The following BCAS3 variants were observed in gnomAD, a reference collection of about 807,000 sequenced individuals.
BCAS3 encodes BCAS4/BCAS3 fusion.
BCAS3 carries 53 observed loss-of-function variants against 116.1 expected under a neutral mutation model. The observed-to-expected ratio is 0.46, with a 90% confidence interval of 0.37 to 0.57. BCAS3 has a LOEUF of 0.57. Among genes scored for constraint, BCAS3 ranks in the 20% least tolerant of loss-of-function variants. BCAS3 has a pLI of 0.00. For missense variants in BCAS3, 917 were observed against 1,165.4 expected (o/e 0.79, Z 3.10); for synonymous variants, 391 against 408.2 (o/e 0.96, Z 0.51).
At chr17:60,743,648 T>C (rs1427118119) in intron 5 of BCAS3, among the ~76,000 whole-genome samples, 2 of 152,222 alleles carry the variant, frequency 1.3e-5, no homozygotes, top group Non-Finnish European at 2.9e-5. Flanking sequence ...TTTTGGTATT[T>C]GAATTTTCTA....
chr17:61,010,418 C>A (rs533529097), intron 15 of BCAS3, among the ~76,000 whole-genome samples: 24 of 151,548 alleles, frequency 1.6e-4, no homozygotes, highest in Non-Finnish European at 2.8e-4. Context: ...CCAAAGTACA[C>A]GTACCTGTAG....
At chr17:61,374,605 G>A (rs2059243324) in intron 23 of BCAS3, among the ~76,000 whole-genome samples, 1 of 152,204 alleles carries the variant, frequency 6.6e-6, no homozygotes, top group Admixed American at 6.5e-5. Context: ...GATAGGAAAA[G>A]GCTTCATCTT....
chr17:61,122,364 A>G lies in BCAS3; in HGVS notation c.2425+37800A>G, dbSNP rs1296712579. ...GGCTGCCCTTGGTTTTGAGCCAGATAACAAACCTTTCAGTTGAATTTTTTC... is the reference window on the plus strand; with the variant it reads ...GGCTGCCCTTGGTTTTGAGCCAGATGACAAACCTTTCAGTTGAATTTTTTC... On this transcript the variant is annotated intron_variant, in intron 22 of 23. Coordinates refer to ENST00000407086, the MANE Select transcript of BCAS3 (RefSeq NM_017679.5). This position sits in a 1 kb window ranked among gnomAD's most constrained non-coding sequence, Gnocchi z 4.6. Among the ~76,000 whole-genome samples, 15 of 152,234 alleles carry G rather than the reference A, an allele frequency of 9.9e-5. No homozygotes were observed. Among genetic ancestry groups the G allele is most frequent in the Admixed American group, 2.0e-4 (3 of 15,280 alleles).
Position 61,213,842 on chromosome 17 carries a change from A to G in BCAS3, c.2425+129278A>G, listed in dbSNP as rs894051499. On this transcript the variant is annotated intron_variant, in intron 22 of 23. Coordinates refer to ENST00000407086, the MANE Select transcript of BCAS3 (RefSeq NM_017679.5). This position sits in a 1 kb window ranked among gnomAD's most constrained non-coding sequence, Gnocchi z 5.4. ...TGATTATAAGGGTAGCAGGCAGGAA[A>G]GAATTTAATGAAATCTTGAACTTTG... 2.0e-5 allele frequency among the ~76,000 whole-genome samples: 3 copies of G among 152,254 alleles called. No homozygotes were observed. The highest frequency in any genetic ancestry group is 2.9e-5 in the Non-Finnish European group (2 of 68,046).
chr17:60,980,770 A>T (rs548626909), intron 14 of BCAS3, among the ~76,000 whole-genome samples: 1 of 152,036 alleles, frequency 6.6e-6, no homozygotes, highest in Non-Finnish European at 1.5e-5. Flanking sequence ...TTGTGGGGTC[A>T]AGTGATCTGC....
rs763437375 is a variant in BCAS3 at position 61,227,708 on chromosome 17, C to T, written c.2426-140619C>T. Among the ~76,000 whole-genome samples, 3 of 152,206 alleles carry T rather than the reference C, an allele frequency of 2.0e-5. No homozygotes were observed. Among genetic ancestry groups the T allele is most frequent in the Admixed American group, 6.5e-5 (1 of 15,284 alleles). Reference sequence around the variant, plus strand: ...AGCACACTCGGGAAAGTTCTTGCTACTCCGAAGGTGATTTTTAGAATCAGA... The same window carrying T: ...AGCACACTCGGGAAAGTTCTTGCTATTCCGAAGGTGATTTTTAGAATCAGA... On this transcript the variant is annotated intron_variant, in intron 22 of 23. Transcript: ENST00000407086. The surrounding 1 kb of genome is among the most constrained non-coding windows in gnomAD (Gnocchi z 6.1).
chr17:60,854,128 C>A (rs951881182), intron 7 of BCAS3, among the ~76,000 whole-genome samples: 1 of 151,964 alleles, frequency 6.6e-6, no homozygotes, highest in African/African-American at 2.4e-5. Context: ...TCAATTCCCA[C>A]CTGAGTGAGA....
Position 61,037,881 on chromosome 17 carries a change from G to T in BCAS3, c.1763-8G>T. On this transcript the variant is annotated splice_polypyrimidine_tract_variant and splice_region_variant and intron_variant, in intron 17 of 23. Transcript: ENST00000407086. The surrounding 1 kb of genome is among the most constrained non-coding windows in gnomAD (Gnocchi z 4.7). ...ATAACACATCGGGTTCTGTTTCTCT[G>T]TTTGTAGATCAGTCCAAACAAGTTG... 6.2e-7 allele frequency: 1 copy of T among 1,612,082 alleles called. No homozygotes were observed. Among genetic ancestry groups the T allele is most frequent in the Non-Finnish European group, 8.5e-7 (1 of 1,178,966 alleles).
At chr17:60,998,022 A>G (rs7222040) in intron 15 of BCAS3, among the ~76,000 whole-genome samples, 16,740 of 151,788 alleles carry the variant, frequency 0.11, 2,821 homozygotes, top group African/African-American at 0.37. Context: ...TGAATCCCTA[A>G]TGTCTATTGT....
At chr17:61,312,782 G>A (rs752962982) in intron 22 of BCAS3, among the ~76,000 whole-genome samples, 4 of 152,190 alleles carry the variant, frequency 2.6e-5, no homozygotes, top group Non-Finnish European at 4.4e-5. Flanking sequence ...CAGTGGCTCT[G>A]TATCTGATTG....
chr17:60,740,160 G>T lies in BCAS3; in HGVS notation c.322-7038G>T, dbSNP rs1434998048. On this transcript the variant is annotated intron_variant, in intron 5 of 23. Transcript: ENST00000407086. ...GATGCTTGTTGAGTCTCTTCAGATT[G>T]TATTGTTTGCCTTTTAGTATGCTTT... Among the ~76,000 whole-genome samples the T allele has an allele frequency of 2.6e-5, 4 of 151,976 alleles. No homozygotes were observed. In the East Asian group the frequency reaches 7.7e-4, roughly 29 times the overall value.
chr17:61,184,695 T>C (rs941746285), intron 22 of BCAS3, among the ~76,000 whole-genome samples: 2 of 152,108 alleles, frequency 1.3e-5, no homozygotes, highest in African/African-American at 4.8e-5. Context: ...AGCCAAAAAC[T>C]AAAAGCAAAC....
intron 22 of BCAS3, among the ~76,000 whole-genome samples, chr17:61,096,573 C>T (rs1001557958): frequency 2.6e-5 from 4 of 152,096 alleles, no homozygotes; most frequent in African/African-American, 7.2e-5. Flanking sequence ...AAAAAATGAA[C>T]TTGTTTCCAG....
At position 60,967,991 on chromosome 17, in the gene BCAS3, G is replaced by C. The variant is rs1400145785; in HGVS notation, c.1221+20639G>C. On this transcript the variant is annotated intron_variant, in intron 14 of 23. Coordinates refer to ENST00000407086, the MANE Select transcript of BCAS3 (RefSeq NM_017679.5). The surrounding 1 kb of genome is among the most constrained non-coding windows in gnomAD (Gnocchi z 4.7). The stretch of plus-strand genomic sequence containing the variant: ...TGTTGTTGTTGTTTTGGAGATCACT[G>C]AGTTTTCTTAAAACTGCTATTTTGA... Among the ~76,000 whole-genome samples the C allele has an allele frequency of 5.4e-5, 8 of 147,734 alleles. No homozygotes were observed. Among genetic ancestry groups the C allele is most frequent in the Non-Finnish European group, 1.2e-4 (8 of 67,986 alleles).
chr17:61,115,452 A>T (rs1173647733), intron 22 of BCAS3, among the ~76,000 whole-genome samples: 1 of 145,252 alleles, frequency 6.9e-6, no homozygotes, highest in Non-Finnish European at 1.5e-5. Context: ...ACACTTCTCA[A>T]AAGAAGACAT....
chr17:61,359,931 T>C (rs2058363192), intron 22 of BCAS3, among the ~76,000 whole-genome samples: 1 of 152,026 alleles, frequency 6.6e-6, no homozygotes, highest in Admixed American at 6.6e-5. Context: ...TTAGCATGGG[T>C]GATTCCATTT....
intron 7 of BCAS3, among the ~76,000 whole-genome samples, chr17:60,843,219 AT>A (rs10716314): frequency 0.25 from 34,078 of 135,788 alleles, 5,665 homozygotes; most frequent in African/African-American, 0.54. Context: ...TTGTTTGTTA[AT>A]TTTTTTTTTT....
chr17:61,258,950 A>ATTC lies in BCAS3; in HGVS notation c.2426-109374_2426-109372dup, dbSNP rs2048993906. On this transcript the variant is annotated intron_variant, in intron 22 of 23. Coordinates refer to ENST00000407086, the MANE Select transcript of BCAS3 (RefSeq NM_017679.5). This position sits in a 1 kb window ranked among gnomAD's most constrained non-coding sequence, Gnocchi z 4.7. Reference sequence around the variant, plus strand: ...TGCAGTGAGCTTTGAGCTCTTGGGGATTCTTGTTTTGTTTCTGATTAAAAG... The same window carrying ATTC: ...TGCAGTGAGCTTTGAGCTCTTGGGGATTCTTCTTGTTTTGTTTCTGATTAAAAG... Among the ~76,000 whole-genome samples the ATTC allele has an allele frequency of 6.6e-6, 1 of 152,048 alleles. No homozygotes were observed. Among genetic ancestry groups the ATTC allele is most frequent in the African/African-American group, 2.4e-5 (1 of 41,390 alleles).
intron 14 of BCAS3, among the ~76,000 whole-genome samples, chr17:60,974,077 A>G (rs567592314): frequency 6.6e-6 from 1 of 152,322 alleles, no homozygotes; most frequent in East Asian, 1.9e-4. Context: ...CATAATTCTG[A>G]AGATGTGACC....
Sources: allele counts gnomAD v4.1 joint callset (sites outside exome capture counted in the v4.1 genomes callset), GRCh38; gene constraint gnomAD v4.1.1; non-coding constraint Gnocchi (gnomAD v3.1); transcripts MANE v1.5; gene names NCBI Gene and HGNC (gene_info 2026-07-23, HGNC 2026-07-21).